Variants in LMO7 observed in about 807,000 individuals in gnomAD.
The protein encoded by LMO7 is LIM domain only protein 7.
Under a neutral mutation model 206.5 loss-of-function variants are expected in LMO7, and 120 were observed. The ratio of observed to expected loss-of-function variants is 0.58; its 90% CI spans 0.50 to 0.68. The LOEUF (loss-of-function observed/expected upper bound fraction) is 0.68. Ranked by LOEUF, LMO7 falls within the 30% of genes least tolerant of loss-of-function variation. The pLI, the probability that LMO7 is intolerant of heterozygous loss-of-function variation, is 0.00. For synonymous variants in LMO7, 706 were observed against 681.5 expected (o/e 1.04, Z -0.56); for missense variants, 1,959 against 1,957.9 (o/e 1.00, Z -0.01).
At chr13:75,834,477 A>G (rs1595406791) in intron 17 of LMO7, 90 bp downstream of exon 17, 2 of 988,704 alleles carry the variant, frequency 2.0e-6, no homozygotes, top group East Asian at 5.3e-5. Flanking sequence ...ATAACTTTTT[A>G]TTTTTTCACT....
intron 28 of LMO7, among the ~76,000 whole-genome samples, chr13:75,854,373 A>G (rs878909001): frequency 1.3e-5 from 2 of 151,762 alleles, no homozygotes; most frequent in African/African-American, 4.9e-5. Context: ...AACAGAGGTG[A>G]AGATTTAGGG....
intron 1 of LMO7, among the ~76,000 whole-genome samples, chr13:75,711,174 C>T (rs1347556706): frequency 6.6e-6 from 1 of 152,266 alleles, no homozygotes; most frequent in East Asian, 1.9e-4. Context: ...GGATAAGCTT[C>T]TTGATGTGCT....
intron 1 of LMO7, among the ~76,000 whole-genome samples, chr13:75,667,225 T>G (rs1390583458): frequency 6.6e-6 from 1 of 152,204 alleles, no homozygotes; most frequent in Non-Finnish European, 1.5e-5. Flanking sequence ...TTCAGTGGTA[T>G]GACTGATTTC....
At chr13:75,647,351 T>A (rs1227958751) in intron 1 of LMO7, among the ~76,000 whole-genome samples, 2 of 152,202 alleles carry the variant, frequency 1.3e-5, no homozygotes, top group Admixed American at 1.3e-4. Flanking sequence ...ATTAGTTGGG[T>A]TTTCCCCTGC....
At chr13:75,754,118 G>A (rs577793822) in intron 3 of LMO7, among the ~76,000 whole-genome samples, 30 of 152,256 alleles carry the variant, frequency 2.0e-4, no homozygotes, top group African/African-American at 7.0e-4. Context: ...TCACAATGTT[G>A]TGCAACCATT....
chr13:75,813,167 A>G (rs1165393821), intron 11 of LMO7, among the ~76,000 whole-genome samples: 1 of 152,128 alleles, frequency 6.6e-6, no homozygotes, highest in Non-Finnish European at 1.5e-5. Context: ...TAATGCTGAT[A>G]AGGGAGGGAA....
At chr13:75,707,548 G>T (rs1441612900) in intron 1 of LMO7, among the ~76,000 whole-genome samples, 1 of 151,954 alleles carries the variant, frequency 6.6e-6, no homozygotes, top group African/African-American at 2.4e-5. Context: ...TGCCTGTCCT[G>T]TTGTCCTAGT....
In LMO7 at chr13:75,691,531, C is replaced by T. The variant is rs117097095; in HGVS notation, c.70-21651C>T. 8.2e-3 allele frequency among the ~76,000 whole-genome samples: 1,254 copies of T among 152,240 alleles called. 12 individuals carry two copies. The highest frequency in any genetic ancestry group is 0.013 in the Non-Finnish European group (874 of 68,012). ...TCCCTGTCCAGTTCCCATGCTTCCT[C>T]CTGGGCCTTTTCACTCTGGCCTCTG... On this transcript the variant is annotated intron_variant, in intron 1 of 30. Transcript: ENST00000377534.
intron 1 of LMO7, among the ~76,000 whole-genome samples, chr13:75,640,312 T>C (rs1217192928): frequency 6.6e-6 from 1 of 152,184 alleles, no homozygotes; most frequent in Non-Finnish European, 1.5e-5. Context: ...TAATCTCCCC[T>C]GGTAGTTGTA....
chr13:75,655,637 TTATATATATATATA>T (rs67966172), intron 1 of LMO7, among the ~76,000 whole-genome samples: 153 of 134,736 alleles, frequency 1.1e-3, no homozygotes, highest in African/African-American at 2.3e-3. Flanking sequence ...TTCATGGATT[TTATATATATATATA>T]TATATATATA....
intron 1 of LMO7, among the ~76,000 whole-genome samples, chr13:75,682,845 CA>C (rs749939649): frequency 2.6e-5 from 4 of 152,138 alleles, no homozygotes; most frequent in Non-Finnish European, 5.9e-5. Context: ...AATTAATCCA[CA>C]AGGCTTATAC....
At chr13:75,800,200 A>C (rs937656558) in intron 6 of LMO7, among the ~76,000 whole-genome samples, 14 of 152,166 alleles carry the variant, frequency 9.2e-5, no homozygotes, top group African/African-American at 3.4e-4. Context: ...TTAAGGTTTT[A>C]TGTTATATAA....
chr13:75,676,779 A>AT (rs2040050825), intron 1 of LMO7, among the ~76,000 whole-genome samples: 1 of 152,138 alleles, frequency 6.6e-6, no homozygotes, highest in Non-Finnish European at 1.5e-5. Flanking sequence ...CCTCCCAACT[A>AT]TTTTTTAAAC....
rs199910013 is a variant in LMO7, at chr13:75,853,260, C to T, written c.4533C>T (p.Ser1511=). ...TSNRAYMRNP[S]SSVPPPSAGS... is the part of the protein sequence containing the mutation. ...ACCGTGCCTACATGCGGAACCCCTC[C>T]TCCAGCGTGCCCCCACCTTCAGCTG... The change falls in exon 28 of 31, where the codon TCC becomes TCT. Residue 1511 remains serine, a synonymous_variant. Transcript: ENST00000377534. The T allele has an allele frequency of 3.1e-6, 5 of 1,614,138 alleles. No individual in the cohort carries two copies. Among genetic ancestry groups the T allele is most frequent in the Non-Finnish European group, 4.2e-6 (5 of 1,180,018 alleles).
intron 11 of LMO7, among the ~76,000 whole-genome samples, chr13:75,816,022 T>TCCA (rs1278172024): frequency 2.0e-5 from 3 of 152,184 alleles, no homozygotes; most frequent in Non-Finnish European, 4.4e-5. Flanking sequence ...CCTTTGGCAA[T>TCCA]TGAAGTGCCT....
chr13:75,804,036 C>G (rs2055120364), intron 7 of LMO7: 2 of 313,584 alleles, frequency 6.4e-6, no homozygotes, highest in South Asian at 8.3e-5. Flanking sequence ...AAGGGGCTCA[C>G]TAGTAAAATA....
chr13:75,630,191 A>G (rs545880209), intron 2 of LMO7, among the ~76,000 whole-genome samples: 1 of 152,196 alleles, frequency 6.6e-6, no homozygotes, highest in East Asian at 1.9e-4. Context: ...GTAATTTTTC[A>G]TTGTTTCCCT....
intron 2 of LMO7, among the ~76,000 whole-genome samples, chr13:75,719,255 T>C (rs1271558509): frequency 1.7e-5 from 2 of 115,708 alleles, no homozygotes; most frequent in Middle Eastern, 3.8e-3. Context: ...GCTGGGATTA[T>C]AGGCGTGAGC....
intron 2 of LMO7, among the ~76,000 whole-genome samples, chr13:75,715,914 A>T (rs1201438188): frequency 6.6e-6 from 1 of 152,238 alleles, no homozygotes; most frequent in African/African-American, 2.4e-5. Context: ...TGGTAAATAT[A>T]GTAAGCTATC....
Sources: allele counts gnomAD v4.1 joint callset (sites outside exome capture counted in the v4.1 genomes callset), GRCh38; gene constraint gnomAD v4.1.1; transcripts MANE v1.5; gene names NCBI Gene and HGNC (gene_info 2026-07-23, HGNC 2026-07-21).